The following ZSWIM6 variants were observed in gnomAD, a reference collection of about 807,000 sequenced individuals.
ZSWIM6 encodes the protein zinc finger SWIM domain-containing protein 6.
A neutral mutation model predicts 113.2 loss-of-function variants in ZSWIM6; 9 were observed. That is an observed-to-expected ratio of 0.08 (90% CI 0.05 to 0.14). The LOEUF (loss-of-function observed/expected upper bound fraction) is 0.14. Ranked by LOEUF, ZSWIM6 falls within the 10% of genes least tolerant of loss-of-function variation. The pLI is 1.00. For missense variants in ZSWIM6, 1,162 were observed against 1,552.2 expected (o/e 0.75, Z 4.22); for synonymous variants, 611 against 606.5 (o/e 1.01, Z -0.11).
At chr5:61,528,599 T>G (rs1182355899) in intron 7 of ZSWIM6, among the ~76,000 whole-genome samples, 1 of 151,960 alleles carries the variant, frequency 6.6e-6, no homozygotes, top group Non-Finnish European at 1.5e-5. Context: ...CTCTTTTTTT[T>G]TTTTTTGACA....
intron 1 of ZSWIM6, among the ~76,000 whole-genome samples, chr5:61,464,010 T>A (rs957614623): frequency 3.9e-5 from 6 of 152,002 alleles, no homozygotes; most frequent in African/African-American, 1.4e-4. Context: ...CTTTTCTTTT[T>A]AGATGGGGTT....
rs1251237395 is a variant in ZSWIM6 at position 61,491,686 on chromosome 5, CATT to C, written c.1182+755_1182+757del. Among the ~76,000 whole-genome samples, 20 of 152,022 alleles carry C rather than the reference CATT, an allele frequency of 1.3e-4. No homozygotes were observed. The South Asian group carries it at 3.7e-3, about 28-fold the overall frequency. Reference sequence around the variant, plus strand: ...AAATGCTTTTTGAATAATATTAAATCATTATATTTTCATTGGGGGTATAGTCAT... The same window carrying C: ...AAATGCTTTTTGAATAATATTAAATCATATTTTCATTGGGGGTATAGTCAT... On this transcript the variant is annotated intron_variant, in intron 3 of 13. Transcript: ENST00000252744.
chr5:61,425,796 CAG>C (rs959635847), intron 1 of ZSWIM6, among the ~76,000 whole-genome samples: 1 of 152,172 alleles, frequency 6.6e-6, no homozygotes, highest in African/African-American at 2.4e-5. Context: ...TAAAAGGGAT[CAG>C]AATGACAGGA....
At chr5:61,532,764 TC>T in intron 9 of ZSWIM6, among the ~76,000 whole-genome samples, 1 of 152,222 alleles carries the variant, frequency 6.6e-6, no homozygotes, top group Non-Finnish European at 1.5e-5. Context: ...TTTGAAGCAC[TC>T]TCCTGAACCT....
At chr5:61,424,983 G>A (rs1032570013) in intron 1 of ZSWIM6, among the ~76,000 whole-genome samples, 1 of 151,996 alleles carries the variant, frequency 6.6e-6, no homozygotes, top group Non-Finnish European at 1.5e-5. Flanking sequence ...CTCCCAAAGC[G>A]CTGGGATTAC....
intron 4 of ZSWIM6, among the ~76,000 whole-genome samples, chr5:61,496,666 A>G (rs1195768436): frequency 6.6e-6 from 1 of 152,108 alleles, no homozygotes; most frequent in Non-Finnish European, 1.5e-5. Flanking sequence ...AGCCACATGG[A>G]TAATACAGGA....
At chr5:61,535,674 A>G in intron 10 of ZSWIM6, 55 bp downstream of exon 10, 3 of 1,543,056 alleles carry the variant, frequency 1.9e-6, no homozygotes, top group Non-Finnish European at 2.6e-6. Flanking sequence ...ACTGGGAAGC[A>G]TGGCTGTTAA....
chr5:61,436,202 A>G (rs1746703259), intron 1 of ZSWIM6, among the ~76,000 whole-genome samples: 1 of 145,404 alleles, frequency 6.9e-6, no homozygotes, highest in Admixed American at 6.9e-5. Context: ...ACTCTGTCTA[A>G]AAAAAAAAAA....
At chr5:61,343,887 T>G (rs1439058967) in intron 1 of ZSWIM6, among the ~76,000 whole-genome samples, 4 of 147,396 alleles carry the variant, frequency 2.7e-5, no homozygotes, top group Non-Finnish European at 6.0e-5. Flanking sequence ...ACTTTGGACT[T>G]TTTTTTTTTT....
chr5:61,346,859 C>T (rs1744669408), intron 1 of ZSWIM6, among the ~76,000 whole-genome samples: 1 of 152,008 alleles, frequency 6.6e-6, no homozygotes, highest in Non-Finnish European at 1.5e-5. Flanking sequence ...ATAATGACTA[C>T]TACTGTGGGG....
chr5:61,511,792 A>G (rs1748794535), intron 4 of ZSWIM6, among the ~76,000 whole-genome samples: 1 of 152,162 alleles, frequency 6.6e-6, no homozygotes, highest in African/African-American at 2.4e-5. Context: ...AAATAGACTA[A>G]GACACTTACC....
chr5:61,496,363 G>T (rs1002148282), intron 4 of ZSWIM6, among the ~76,000 whole-genome samples: 1 of 152,096 alleles, frequency 6.6e-6, no homozygotes, highest in Non-Finnish European at 1.5e-5. Flanking sequence ...AGAATCTCAC[G>T]TAGAAGTAAC....
At chr5:61,333,069 G>T in intron 1 of ZSWIM6, 121 bp downstream of exon 1, 1 of 994,430 alleles carries the variant, frequency 1.0e-6, no homozygotes, top group Non-Finnish European at 1.2e-6. Context: ...CCCTGCGGGT[G>T]TCCTCACTGG....
At chr5:61,457,440 T>C (rs918006887) in intron 1 of ZSWIM6, among the ~76,000 whole-genome samples, 2 of 152,200 alleles carry the variant, frequency 1.3e-5, no homozygotes, top group East Asian at 1.9e-4. Context: ...ATATCCAATA[T>C]ATTTATATTT....
At chr5:61,465,605 T>C (rs1441506027) in intron 1 of ZSWIM6, among the ~76,000 whole-genome samples, 1 of 152,170 alleles carries the variant, frequency 6.6e-6, no homozygotes, top group Non-Finnish European at 1.5e-5. Flanking sequence ...GAAAATGGTG[T>C]AAGAATCTAC....
At chr5:61,365,753 A>G (rs149272218) in intron 1 of ZSWIM6, among the ~76,000 whole-genome samples, 2 of 152,266 alleles carry the variant, frequency 1.3e-5, no homozygotes, top group East Asian at 3.9e-4. Flanking sequence ...GACTTACTAG[A>G]GAGTGTGTGC....
intron 1 of ZSWIM6, among the ~76,000 whole-genome samples, chr5:61,434,230 C>T (rs1197090513): frequency 2.7e-5 from 4 of 146,526 alleles, no homozygotes; most frequent in East Asian, 3.9e-4. Context: ...ATGTATAATA[C>T]ATATATACAC....
chr5:61,360,094 C>G (rs771683132), intron 1 of ZSWIM6, among the ~76,000 whole-genome samples: 15 of 152,156 alleles, frequency 9.9e-5, no homozygotes, highest in Admixed American at 4.6e-4. Flanking sequence ...TGTCAGGTGT[C>G]CACTGCTGCA....
At chr5:61,368,698 A>T (rs766900157) in intron 1 of ZSWIM6, among the ~76,000 whole-genome samples, 16 of 152,252 alleles carry the variant, frequency 1.1e-4, no homozygotes, top group Non-Finnish European at 7.3e-5. Flanking sequence ...CTGGCCAGCT[A>T]TCAAGAAAGG....
Sources: allele counts gnomAD v4.1 joint callset (sites outside exome capture counted in the v4.1 genomes callset), GRCh38; gene constraint gnomAD v4.1.1; transcripts MANE v1.5; gene names NCBI Gene and HGNC (gene_info 2026-07-23, HGNC 2026-07-21).